HEMK2: variants seen among roughly 807,000 people sequenced by gnomAD.
The protein encoded by HEMK2 is HemK methyltransferase 2, ETF1 glutamine and histone H4 lysine, also known as methyltransferase HEMK2.
chr21:28,779,464 G>C, the HEMK2 span, among the ~76,000 whole-genome samples: 1 of 152,158 alleles, frequency 6.6e-6, no homozygotes, highest in Non-Finnish European at 1.5e-5. Context: ...GAGGTTGGGA[G>C]GAGGGTGTTG....
the HEMK2 span, chr21:28,876,277 T>C: frequency 4.4e-5 from 32 of 728,354 alleles, no homozygotes; most frequent in African/African-American, 2.2e-4. Context: ...TCTACCTTTT[T>C]TTAATGACAA....
chr21:28,653,205 C>T, the HEMK2 span, among the ~76,000 whole-genome samples: 1 of 152,148 alleles, frequency 6.6e-6, no homozygotes, highest in African/African-American at 2.4e-5. Context: ...TGGGTGAAGG[C>T]TAAAACCCTC....
chr21:28,843,321 G>T, the HEMK2 span, among the ~76,000 whole-genome samples: 1 of 152,100 alleles, frequency 6.6e-6, no homozygotes, highest in Non-Finnish European at 1.5e-5. Flanking sequence ...CAAAGGCGAA[G>T]GGGAAGAAAG....
At chr21:28,851,123 C>T in the HEMK2 span, among the ~76,000 whole-genome samples, 5 of 152,132 alleles carry the variant, frequency 3.3e-5, no homozygotes, top group African/African-American at 4.8e-5. Flanking sequence ...CAGTTTCTAC[C>T]AAAGCCCAGT....
chr21:28,833,098 T>A, the HEMK2 span, among the ~76,000 whole-genome samples: 1 of 152,210 alleles, frequency 6.6e-6, no homozygotes, highest in South Asian at 2.1e-4. Context: ...TAAAACTGGC[T>A]TTTTGGTCCT....
the HEMK2 span, among the ~76,000 whole-genome samples, chr21:28,881,426 C>T: frequency 6.6e-6 from 1 of 152,104 alleles, no homozygotes. Flanking sequence ...CATTCTGGGG[C>T]CTCTTCTAGA....
At chr21:28,802,413 G>A in the HEMK2 span, among the ~76,000 whole-genome samples, 2 of 152,174 alleles carry the variant, frequency 1.3e-5, no homozygotes, top group African/African-American at 4.8e-5. Context: ...TACATAGAGA[G>A]GGAGCTGGAA....
At chr21:28,746,384 A>G in the HEMK2 span, among the ~76,000 whole-genome samples, 2 of 152,186 alleles carry the variant, frequency 1.3e-5, no homozygotes, top group Non-Finnish European at 2.9e-5. Flanking sequence ...ATAATGACAT[A>G]AAGCATAGAC....
At chr21:28,673,000 GAGAA>G in the HEMK2 span, among the ~76,000 whole-genome samples, 54,054 of 145,240 alleles carry the variant, frequency 0.37, 10,191 homozygotes, top group East Asian at 0.63. Context: ...GAAAAAGAAA[GAGAA>G]AGAAAGAAAG....
chr21:28,712,072 A>T, the HEMK2 span, among the ~76,000 whole-genome samples: 2 of 152,182 alleles, frequency 1.3e-5, no homozygotes, highest in Non-Finnish European at 1.5e-5. Context: ...GGAATATTGG[A>T]AGGACACAAA....
chr21:28,809,450 G>C, the HEMK2 span, among the ~76,000 whole-genome samples: 12,986 of 152,142 alleles, frequency 0.085, 1,305 homozygotes, highest in African/African-American at 0.23. Context: ...CCAAAGAAAG[G>C]TTGAGCTCTG....
the HEMK2 span, among the ~76,000 whole-genome samples, chr21:28,623,280 T>C: frequency 6.6e-6 from 1 of 152,148 alleles, no homozygotes; most frequent in Non-Finnish European, 1.5e-5. Context: ...AAAACCACAA[T>C]GAGATGTCAT....
chr21:28,607,182 G>A, the HEMK2 span, among the ~76,000 whole-genome samples: 2 of 152,094 alleles, frequency 1.3e-5, no homozygotes, highest in African/African-American at 4.8e-5. Context: ...AGGCCAAAGC[G>A]GGTGGATTGC....
the HEMK2 span, among the ~76,000 whole-genome samples, chr21:28,828,578 G>T: frequency 1.3e-5 from 2 of 152,148 alleles, no homozygotes; most frequent in Non-Finnish European, 2.9e-5. Context: ...CACTAAGCAG[G>T]TCAAACAGAC....
At chr21:28,758,631 T>G in the HEMK2 span, among the ~76,000 whole-genome samples, 20 of 152,260 alleles carry the variant, frequency 1.3e-4, no homozygotes, top group Non-Finnish European at 2.1e-4. Flanking sequence ...TTCTTAATAG[T>G]AAGGCAACAA....
At chr21:28,781,151 A>T in the HEMK2 span, among the ~76,000 whole-genome samples, 1 of 152,222 alleles carries the variant, frequency 6.6e-6, no homozygotes, top group African/African-American at 2.4e-5. Context: ...ACCCAGGGCC[A>T]GGACAGCAGA....
chr21:28,818,312 G>C, the HEMK2 span, among the ~76,000 whole-genome samples: 3 of 152,128 alleles, frequency 2.0e-5, no homozygotes, highest in Admixed American at 6.6e-5. Context: ...CAGACTGAAG[G>C]CTGCACTGTT....
At chr21:28,804,703 T>A in the HEMK2 span, among the ~76,000 whole-genome samples, 1 of 152,364 alleles carries the variant, frequency 6.6e-6, no homozygotes, top group South Asian at 2.1e-4. Context: ...TGATGGATCA[T>A]AAACCAAAAT....
the HEMK2 span, among the ~76,000 whole-genome samples, chr21:28,877,633 G>A: frequency 6.6e-6 from 1 of 151,114 alleles, no homozygotes; most frequent in Non-Finnish European, 1.5e-5. Context: ...GAGAGAAATA[G>A]GAAGGAAGGA....
Sources: gnomAD v4.1 joint callset for allele counts (sites outside exome capture counted in the v4.1 genomes callset) on GRCh38, gnomAD v4.1.1 for gene constraint, MANE v1.5 for transcripts, NCBI Gene and HGNC (gene_info 2026-07-23, HGNC 2026-07-21) for gene names.